Variants in DAAM1 observed in about 807,000 individuals in gnomAD.
The protein encoded by DAAM1 is dishevelled associated activator of morphogenesis 1.
DAAM1 carries 52 observed loss-of-function variants against 130.0 expected under a neutral mutation model. The observed-to-expected ratio is 0.40, with a 90% CI of 0.32 to 0.50. DAAM1 has a LOEUF of 0.50. DAAM1 is among the 20% of genes least tolerant of loss of function. DAAM1 has a pLI of 0.61. For synonymous variants in DAAM1, 452 were observed against 444.5 expected (o/e 1.02, Z -0.21); for missense variants, 1,134 against 1,303.8 (o/e 0.87, Z 2.01).
At chr14:59,325,755 G>C (rs767997020) in intron 9 of DAAM1, 25 bp downstream of exon 9, 1 of 1,611,376 alleles carries the variant, frequency 6.2e-7, no homozygotes, top group Non-Finnish European at 8.5e-7. Flanking sequence ...AATTATTCTG[G>C]TTTGATTCAT....
intron 3 of DAAM1, among the ~76,000 whole-genome samples, chr14:59,294,038 G>A (rs1291287614): frequency 6.6e-6 from 1 of 152,146 alleles, no homozygotes; most frequent in Non-Finnish European, 1.5e-5. Context: ...CACTCCCAGG[G>A]CTCTGTCACA....
At chr14:59,282,651 C>A (rs541435054) in intron 2 of DAAM1, among the ~76,000 whole-genome samples, 1 of 152,122 alleles carries the variant, frequency 6.6e-6, no homozygotes, top group Non-Finnish European at 1.5e-5. Context: ...AGTCTAGACT[C>A]GAGTTCTTCC....
intron 2 of DAAM1, chr14:59,266,163 A>C (rs1882429438): frequency 6.6e-6 from 1 of 152,112 alleles, no homozygotes; most frequent in Non-Finnish European, 1.5e-5. Flanking sequence ...GTTTGGATTA[A>C]AAAAAAGAAA....
intron 1 of DAAM1, among the ~76,000 whole-genome samples, chr14:59,259,960 C>T (rs1347335299): frequency 3.9e-5 from 6 of 152,066 alleles, no homozygotes; most frequent in Admixed American, 3.9e-4. Flanking sequence ...AGGAGAATGG[C>T]GTGAACCCGG....
Position 59,339,960 on chromosome 14 carries a change from A to T in DAAM1, c.1969-114A>T, listed in dbSNP as rs891774345. 15 of 721,654 alleles carry T rather than the reference A, an allele frequency of 2.1e-5. No individual in the cohort carries two copies. In the African/African-American group the frequency reaches 2.5e-4, roughly 12 times the overall value. 44.7% of individuals were successfully genotyped at this position (721,654 alleles called of 1,614,324 possible). Reference sequence around the variant, plus strand: ...ACTTCCCACCATTTCAGCCTTGCCCATGTGTATACGAGTGTGTGTATGTGT... The same window carrying T: ...ACTTCCCACCATTTCAGCCTTGCCCTTGTGTATACGAGTGTGTGTATGTGT... On this transcript the variant is annotated intron_variant, in intron 15 of 24. Transcript: ENST00000360909.
intron 7 of DAAM1, 27 bp downstream of exon 7, chr14:59,324,265 A>G (rs1885126042): frequency 2.2e-6 from 3 of 1,377,080 alleles, no homozygotes; most frequent in African/African-American, 1.5e-5. Context: ...AATTAAAAAT[A>G]TATTAGTAAA....
intron 1 of DAAM1, among the ~76,000 whole-genome samples, chr14:59,207,161 T>C (rs1485112133): frequency 6.6e-6 from 1 of 152,166 alleles, no homozygotes; most frequent in African/African-American, 2.4e-5. Flanking sequence ...CTATCCACAA[T>C]CAGAAATGCT....
At chr14:59,205,173 A>G (rs1888223200) in intron 1 of DAAM1, among the ~76,000 whole-genome samples, 1 of 152,222 alleles carries the variant, frequency 6.6e-6, no homozygotes, top group Admixed American at 6.5e-5. Context: ...TGTTTACTCT[A>G]GTTCCTGTAA....
chr14:59,271,634 A>G (rs1312156238), intron 2 of DAAM1, among the ~76,000 whole-genome samples: 1 of 152,186 alleles, frequency 6.6e-6, no homozygotes, highest in Non-Finnish European at 1.5e-5. Context: ...GAAAGGAGCT[A>G]CAGGAACCCA....
At chr14:59,347,821 AAAG>A (rs1233606743) in intron 17 of DAAM1, among the ~76,000 whole-genome samples, 198 bp downstream of exon 17, 2 of 152,222 alleles carry the variant, frequency 1.3e-5, no homozygotes, top group Non-Finnish European at 2.9e-5. Flanking sequence ...GATGGGTGAG[AAAG>A]AAGATCAAGT....
chr14:59,355,019 A>G, intron 19 of DAAM1, 146 bp from the exon 20 acceptor site: 1 of 1,101,614 alleles, frequency 9.1e-7, no homozygotes, highest in Admixed American at 2.7e-5. Flanking sequence ...GCGTTTTGAA[A>G]GTGCTCTTGG....
intron 24 of DAAM1, among the ~76,000 whole-genome samples, chr14:59,367,990 A>G (rs1424064997): frequency 7.2e-5 from 11 of 152,204 alleles, no homozygotes; most frequent in African/African-American, 2.7e-4. Flanking sequence ...AGTCCTTGAA[A>G]GACATGTATT....
intron 1 of DAAM1, among the ~76,000 whole-genome samples, chr14:59,200,020 G>T (rs1365940915): frequency 6.6e-6 from 1 of 152,180 alleles, no homozygotes; most frequent in Non-Finnish European, 1.5e-5. Flanking sequence ...GAATTCATCT[G>T]GGAAACTGCG....
chr14:59,252,578 T>C (rs917800765), intron 1 of DAAM1, among the ~76,000 whole-genome samples: 2 of 152,212 alleles, frequency 1.3e-5, no homozygotes, highest in Non-Finnish European at 2.9e-5. Context: ...AACTGCCCTA[T>C]AGAGATTAAA....
chr14:59,192,149 G>GGTGTGTGTGTGT (rs55791691), intron 1 of DAAM1, among the ~76,000 whole-genome samples: 49 of 138,650 alleles, frequency 3.5e-4, no homozygotes, highest in South Asian at 1.7e-3. Flanking sequence ...CTTGTTAAGG[G>GGTGTGTGTGTGT]GTGTGTGTGT....
At chr14:59,268,448 A>G (rs1882561667) in intron 2 of DAAM1, among the ~76,000 whole-genome samples, 1 of 152,214 alleles carries the variant, frequency 6.6e-6, no homozygotes, top group South Asian at 2.1e-4. Context: ...ACCATTTTAC[A>G]TCTCCACCAG....
intron 17 of DAAM1, among the ~76,000 whole-genome samples, chr14:59,349,775 G>A (rs918256849): frequency 5.9e-5 from 9 of 152,140 alleles, no homozygotes; most frequent in East Asian, 1.9e-4. Context: ...AACTACCCAC[G>A]CACAGTCCTT....
In DAAM1 at chr14:59,263,622, C is replaced by A; in HGVS notation, c.145C>A (p.Pro49Thr). ...CATGGAACCAGCATTGCCCATGCCC[C>A]CTGTGGAGGAGCTGGATGTCATGTT... ...QTMEPALPMP[P>T]VEELDVMFSE... The change falls in exon 2 of 25, where the codon CCT becomes ACT. Residue 49 changes from proline (P) to threonine (T), a missense_variant. This residue lies in a region of DAAM1 where 99 missense variants were observed against 86.4 expected (regional missense o/e 1.15). Coordinates refer to ENST00000360909, the MANE Select transcript of DAAM1 (RefSeq NM_001270520.2). 6.2e-7 allele frequency: 1 copy of A among 1,614,176 alleles called. No individual in the cohort carries two copies. The highest frequency in any genetic ancestry group is 8.5e-7 in the Non-Finnish European group (1 of 1,180,026).
chr14:59,236,119 T>G (rs1889288429), intron 1 of DAAM1, among the ~76,000 whole-genome samples: 1 of 152,196 alleles, frequency 6.6e-6, no homozygotes, highest in Non-Finnish European at 1.5e-5. Flanking sequence ...ATTCATTTAT[T>G]TATTTTTGGA....
Sources: allele counts gnomAD v4.1 joint callset (sites outside exome capture counted in the v4.1 genomes callset), GRCh38; gene constraint gnomAD v4.1.1; regional missense constraint gnomAD v4.1.1; transcripts MANE v1.5; gene names NCBI Gene and HGNC (gene_info 2026-07-23, HGNC 2026-07-21).